The following CHKA variants were observed in gnomAD, a reference collection of about 807,000 sequenced individuals.
CHKA encodes the protein choline kinase alpha.
In CHKA, 34 loss-of-function variants were observed where a neutral mutation model predicts 60.1. The observed-to-expected ratio is 0.57, with a 90% CI of 0.43 to 0.75. The LOEUF is 0.75. CHKA is among the 30% of genes least tolerant of loss of function. CHKA has a pLI of 0.00. For missense variants in CHKA, 563 were observed against 561.3 expected (o/e 1.00, Z -0.03); for synonymous variants, 217 against 223.1 (o/e 0.97, Z 0.24).
intron 3 of CHKA, among the ~76,000 whole-genome samples, chr11:68,080,866 T>G (rs1856965073): frequency 6.6e-6 from 1 of 152,252 alleles, no homozygotes; most frequent in African/African-American, 2.4e-5. Context: ...TCAGTGCTCT[T>G]GGCCTCAAGC....
Position 68,054,065 on chromosome 11 carries a change from G to C in CHKA, c.1315-18C>G, listed in dbSNP as rs1855902844. 6.2e-7 allele frequency: 1 copy of C among 1,607,942 alleles called. No homozygotes were observed. The highest frequency in any genetic ancestry group is 2.2e-5 in the East Asian group (1 of 44,810). Reference sequence around the variant, plus strand: ...GCGTAGTCCTAGGAGACAGCAAAGAGAAGGCCTCAGCAAGGAATCCTGCTG... The same window carrying C: ...GCGTAGTCCTAGGAGACAGCAAAGACAAGGCCTCAGCAAGGAATCCTGCTG... On this transcript the variant is annotated intron_variant, in intron 11 of 11. Transcript: ENST00000265689.
At chr11:68,101,505 T>C (rs892485553) in intron 1 of CHKA, among the ~76,000 whole-genome samples, 1 of 152,060 alleles carries the variant, frequency 6.6e-6, no homozygotes, top group African/African-American at 2.4e-5. Flanking sequence ...GTAGCAGTAT[T>C]ATTTCTAAAC....
intron 4 of CHKA, among the ~76,000 whole-genome samples, chr11:68,072,551 A>T (rs1314705730): frequency 2.8e-4 from 8 of 28,182 alleles, no homozygotes; most frequent in Non-Finnish European, 6.8e-4. Context: ...ACCCTATCTT[A>T]AAAAAAAAAA....
intron 11 of CHKA, among the ~76,000 whole-genome samples, chr11:68,058,119 T>C (rs1269671976): frequency 6.6e-6 from 1 of 152,078 alleles, no homozygotes. Context: ...TTCCAACTCC[T>C]GGGCTCTAGC....
chr11:68,113,411 A>G (rs1858254208), intron 1 of CHKA, among the ~76,000 whole-genome samples: 1 of 152,098 alleles, frequency 6.6e-6, no homozygotes, highest in Non-Finnish European at 1.5e-5. Context: ...AAAATAAGAT[A>G]CCTGACTGGG....
intron 3 of CHKA, among the ~76,000 whole-genome samples, chr11:68,077,613 C>T (rs777988470): frequency 2.3e-4 from 35 of 152,276 alleles, no homozygotes; most frequent in Non-Finnish European, 3.8e-4. Flanking sequence ...CTGTGCTAAG[C>T]GCCAGGGAAC....
chr11:68,093,836 T>C (rs1214610925), intron 2 of CHKA, among the ~76,000 whole-genome samples: 1 of 152,240 alleles, frequency 6.6e-6, no homozygotes. Flanking sequence ...CATGTGACTA[T>C]TTTAATTTAA....
chr11:68,090,839 C>T (rs555693455), intron 2 of CHKA, among the ~76,000 whole-genome samples: 6 of 152,280 alleles, frequency 3.9e-5, no homozygotes, highest in Non-Finnish European at 7.3e-5. Context: ...CCGCTCATAA[C>T]GGTGAGGCCA....
At chr11:68,070,423 C>T (rs1167153206) in intron 5 of CHKA, 130 bp from the exon 6 acceptor site, 8 of 735,978 alleles carry the variant, frequency 1.1e-5, no homozygotes, top group Non-Finnish European at 1.8e-5. Context: ...ACCCCTCTGA[C>T]TGCCATGACT....
chr11:68,110,973 G>C (rs1447797732), intron 1 of CHKA, among the ~76,000 whole-genome samples: 1 of 150,928 alleles, frequency 6.6e-6, no homozygotes, highest in Admixed American at 6.6e-5. Flanking sequence ...ACTCCAGCCT[G>C]GGCAACAGAA....
chr11:68,082,759 C>T (rs553196694), intron 2 of CHKA, among the ~76,000 whole-genome samples: 11 of 152,310 alleles, frequency 7.2e-5, no homozygotes, highest in Admixed American at 5.2e-4. Flanking sequence ...AACGTTTGCA[C>T]TGATACATAT....
intron 1 of CHKA, among the ~76,000 whole-genome samples, chr11:68,108,598 G>A (rs188699496): frequency 6.6e-6 from 1 of 152,112 alleles, no homozygotes; most frequent in African/African-American, 2.4e-5. Context: ...CAAAAAATTA[G>A]CCTGGCGTGG....
At chr11:68,091,433 C>T (rs1201565359) in intron 2 of CHKA, among the ~76,000 whole-genome samples, 3 of 152,212 alleles carry the variant, frequency 2.0e-5, no homozygotes, top group Admixed American at 6.5e-5. Flanking sequence ...TGTGTCTTAT[C>T]TTGTTCATAT....
chr11:68,077,606 T>C (rs1856835981), intron 3 of CHKA, among the ~76,000 whole-genome samples: 2 of 152,214 alleles, frequency 1.3e-5, no homozygotes. Context: ...CCTGGCACTG[T>C]GCTAAGCGCC....
intron 9 of CHKA, among the ~76,000 whole-genome samples, chr11:68,065,321 T>A (rs1856405369): frequency 6.6e-6 from 1 of 152,188 alleles, no homozygotes; most frequent in African/African-American, 2.4e-5. Context: ...TAAGCTGGAC[T>A]AAAAGGTCAA....
At chr11:68,062,528 G>A (rs548563362) in intron 10 of CHKA, among the ~76,000 whole-genome samples, 2 of 152,310 alleles carry the variant, frequency 1.3e-5, no homozygotes, top group East Asian at 3.9e-4. Flanking sequence ...ACACAGAAGT[G>A]AAAAGAGCAG....
chr11:68,098,817 C>T (rs778394165), intron 1 of CHKA, among the ~76,000 whole-genome samples: 13 of 152,186 alleles, frequency 8.5e-5, no homozygotes, highest in Non-Finnish European at 1.0e-4. Flanking sequence ...CCTCAGCCCC[C>T]CAAGTAGCTG....
chr11:68,121,231 T>C lies in CHKA; in HGVS notation c.-54A>G. The C allele has an allele frequency of 9.2e-7, 1 of 1,087,430 alleles. No homozygotes were observed. 67.4% of individuals were successfully genotyped at this position (1,087,430 alleles called of 1,614,324 possible). On this transcript the variant is annotated 5_prime_UTR_variant, in exon 1 of 12. Coordinates refer to ENST00000265689, the MANE Select transcript of CHKA (RefSeq NM_001277.3). ...CGGCCGCAGCGCGAGAGGACTAGGC[T>C]CAGAGTCCGGCCGGGCGCCCCCTCG...
intron 2 of CHKA, among the ~76,000 whole-genome samples, chr11:68,084,352 ATATATATACACATATATACGTATATGTG>A (rs1857099032): frequency 7.2e-6 from 1 of 139,718 alleles, no homozygotes; most frequent in East Asian, 2.1e-4. Context: ...ATATGTGTAT[ATATATATACACATATATACGTATATGTG>A]TATATATATA....
Sources: gnomAD v4.1 joint callset for allele counts (sites outside exome capture counted in the v4.1 genomes callset) on GRCh38, gnomAD v4.1.1 for gene constraint, MANE v1.5 for transcripts, NCBI Gene and HGNC (gene_info 2026-07-23, HGNC 2026-07-21) for gene names.